The following BABAM2 variants were observed in gnomAD, a reference collection of about 807,000 sequenced individuals.
BABAM2 encodes BRISC and BRCA1-A complex member 2.
A neutral mutation model predicts 54.7 loss-of-function variants in BABAM2; 31 were observed. The observed-to-expected ratio is 0.57, with a 90% confidence interval of 0.43 to 0.77. The LOEUF (loss-of-function observed/expected upper bound fraction) is 0.77. Among genes scored for constraint, BABAM2 ranks in the 30% least tolerant of loss-of-function variants. The pLI, the probability that BABAM2 is intolerant of heterozygous loss-of-function variation, is 0.00. For missense variants in BABAM2, 364 were observed against 455.8 expected (o/e 0.80, Z 1.83); for synonymous variants, 167 against 162.9 (o/e 1.03, Z -0.19).
At chr2:27,959,578 AC>A (rs1369408377) in intron 3 of BABAM2, among the ~76,000 whole-genome samples, 1 of 151,448 alleles carries the variant, frequency 6.6e-6, no homozygotes, top group African/African-American at 2.4e-5. Flanking sequence ...TGTTGGAGTG[AC>A]CTTGGCACTT....
intron 3 of BABAM2, among the ~76,000 whole-genome samples, chr2:27,983,000 TCTC>T (rs1672135285): frequency 6.6e-6 from 1 of 151,994 alleles, no homozygotes; most frequent in African/African-American, 2.4e-5. Context: ...TCTCTGATAA[TCTC>T]CTTTTAGCTA....
intron 2 of BABAM2, among the ~76,000 whole-genome samples, chr2:27,910,567 A>G (rs996833073): frequency 1.3e-5 from 2 of 152,096 alleles, no homozygotes; most frequent in African/African-American, 4.8e-5. Flanking sequence ...TTGTGCTCCC[A>G]TCTAGTCACT....
chr2:28,131,587 C>A (rs1219798005), intron 7 of BABAM2, among the ~76,000 whole-genome samples: 1 of 152,062 alleles, frequency 6.6e-6, no homozygotes, highest in Non-Finnish European at 1.5e-5. Flanking sequence ...ATACCTATTT[C>A]TTAGTGTTGT....
In BABAM2 at chr2:27,898,238, C is replaced by T. The variant is rs530499448; in HGVS notation, c.128+3554C>T. On this transcript the variant is annotated intron_variant, in intron 2 of 11. Coordinates refer to ENST00000379624, the MANE Select transcript of BABAM2 (RefSeq NM_199191.3). Reference sequence around the variant, plus strand: ...AAACTGTTGGTCTTTTCATAAGTTCCTTTGGTTCATCAAGATTGTGCCTAA... The same window carrying T: ...AAACTGTTGGTCTTTTCATAAGTTCTTTTGGTTCATCAAGATTGTGCCTAA... Among the ~76,000 whole-genome samples the T allele has an allele frequency of 6.6e-5, 10 of 152,154 alleles. No individual in the cohort carries two copies. The South Asian group carries it at 2.1e-3, about 32-fold the overall frequency.
chr2:28,025,135 T>C, intron 4 of BABAM2, 91 bp from the exon 5 acceptor site: 1 of 1,180,638 alleles, frequency 8.5e-7, no homozygotes, highest in Middle Eastern at 2.1e-4. Flanking sequence ...TTTCTATTAC[T>C]CTTTTCCTCT....
At chr2:28,271,414 G>A (rs1273999323) in intron 10 of BABAM2, among the ~76,000 whole-genome samples, 2 of 150,042 alleles carry the variant, frequency 1.3e-5, no homozygotes, top group East Asian at 3.8e-4. Context: ...TCCTCTCCTC[G>A]TGGCCTGGGC....
chr2:28,151,242 G>T (rs1434591145), intron 7 of BABAM2, among the ~76,000 whole-genome samples: 1 of 152,138 alleles, frequency 6.6e-6, no homozygotes, highest in Admixed American at 6.5e-5. Context: ...GCTCCAGCCA[G>T]ACCAGCTCCT....
chr2:28,174,641 A>G (rs780618194), intron 7 of BABAM2, among the ~76,000 whole-genome samples: 48 of 152,298 alleles, frequency 3.2e-4, no homozygotes, highest in Non-Finnish European at 5.0e-4. Context: ...AATCCCAGCC[A>G]TGGGAGAGCC....
intron 6 of BABAM2, among the ~76,000 whole-genome samples, chr2:28,122,687 T>C (rs1032349118): frequency 1.3e-5 from 2 of 152,240 alleles, no homozygotes; most frequent in Admixed American, 1.3e-4. Flanking sequence ...GACTTGTTAA[T>C]GACTGCTATC....
intron 7 of BABAM2, among the ~76,000 whole-genome samples, chr2:28,224,256 CAT>C (rs1302174686): frequency 6.6e-6 from 1 of 152,216 alleles, no homozygotes; most frequent in East Asian, 1.9e-4. Flanking sequence ...TCCCTGAGGA[CAT>C]AGAGTGGTGA....
At chr2:27,983,986 C>T in intron 3 of BABAM2, among the ~76,000 whole-genome samples, 1 of 40,872 alleles carries the variant, frequency 2.4e-5, no homozygotes. Context: ...GCTAGAGCCT[C>T]CAGTATAATG....
intron 3 of BABAM2, among the ~76,000 whole-genome samples, chr2:27,978,500 A>C (rs1004792137): frequency 1.3e-5 from 2 of 152,144 alleles, no homozygotes; most frequent in Non-Finnish European, 2.9e-5. Flanking sequence ...ATCTCCTTCA[A>C]ACTGGCGTTT....
rs149687741 is a variant in BABAM2 at position 27,894,162 on chromosome 2, T to G, written c.-24-371T>G. ...ATTGCTAACTCAGTGATGTGTGTGTTTTTGTGTTGGGATAGAGGATTGTTA... is the reference window on the plus strand; with the variant it reads ...ATTGCTAACTCAGTGATGTGTGTGTGTTTGTGTTGGGATAGAGGATTGTTA... On this transcript the variant is annotated intron_variant, in intron 1 of 11. Coordinates refer to ENST00000379624, the MANE Select transcript of BABAM2 (RefSeq NM_199191.3). Among the ~76,000 whole-genome samples, 30 of 152,150 alleles carry G rather than the reference T, an allele frequency of 2.0e-4. No homozygotes were observed. The East Asian group carries it at 5.2e-3, about 26-fold the overall frequency.
At chr2:28,287,352 T>C (rs1686912271) in intron 10 of BABAM2, among the ~76,000 whole-genome samples, 1 of 152,228 alleles carries the variant, frequency 6.6e-6, no homozygotes, top group Non-Finnish European at 1.5e-5. Context: ...CTTTTAAAAA[T>C]AGAAGTTAAA....
intron 7 of BABAM2, among the ~76,000 whole-genome samples, chr2:28,205,193 A>G (rs1199498066): frequency 6.6e-6 from 1 of 152,010 alleles, no homozygotes; most frequent in Non-Finnish European, 1.5e-5. Flanking sequence ...TGCCTAACCT[A>G]GCCTAACTAA....
chr2:28,248,445 G>A (rs1306079571), intron 10 of BABAM2, among the ~76,000 whole-genome samples: 1 of 152,000 alleles, frequency 6.6e-6, no homozygotes, highest in African/African-American at 2.4e-5. Flanking sequence ...CCGACCTCAG[G>A]TGATCCACCT....
intron 11 of BABAM2, among the ~76,000 whole-genome samples, chr2:28,314,642 C>T (rs528986874): frequency 3.9e-5 from 6 of 152,224 alleles, no homozygotes; most frequent in South Asian, 4.1e-4. Context: ...GTGTTAGGTA[C>T]GATGTTAAGT....
intron 7 of BABAM2, among the ~76,000 whole-genome samples, chr2:28,218,865 A>T (rs1378716398): frequency 6.6e-6 from 1 of 152,222 alleles, no homozygotes; most frequent in African/African-American, 2.4e-5. Flanking sequence ...ATCCATTAAC[A>T]TATGTGTTTC....
At chr2:28,285,635 C>G (rs1686725644) in intron 10 of BABAM2, among the ~76,000 whole-genome samples, 1 of 152,174 alleles carries the variant, frequency 6.6e-6, no homozygotes, top group Non-Finnish European at 1.5e-5. Context: ...TACATCCAAT[C>G]CCAAACTTCA....
Sources: gnomAD v4.1 joint callset for allele counts (sites outside exome capture counted in the v4.1 genomes callset) on GRCh38, gnomAD v4.1.1 for gene constraint, MANE v1.5 for transcripts, NCBI Gene and HGNC (gene_info 2026-07-23, HGNC 2026-07-21) for gene names.